GMDS: variants seen among roughly 807,000 people sequenced by gnomAD.
GMDS encodes the protein GDP-mannose 4,6-dehydratase.
Under a neutral mutation model 49.9 loss-of-function variants are expected in GMDS, and 20 were observed. The ratio of observed to expected loss-of-function variants is 0.40; its 90% CI spans 0.28 to 0.58. The LOEUF (loss-of-function observed/expected upper bound fraction) is 0.58, where lower values mean the gene tolerates loss of function less well. GMDS is among the 20% of genes least tolerant of loss of function. GMDS has a pLI of 0.42. For synonymous variants in GMDS, 177 were observed against 178.6 expected, an observed-to-expected ratio of 0.99 and a Z score of 0.07; for missense variants, 362 against 481.4, an observed-to-expected ratio of 0.75 and a Z score of 2.32.
intron 4 of GMDS, among the ~76,000 whole-genome samples, chr6:2,113,667 C>T (rs1774681723): frequency 6.6e-6 from 1 of 152,178 alleles, no homozygotes; most frequent in South Asian, 2.1e-4. Flanking sequence ...TCCATCTACC[C>T]CCAGACGGAA....
At chr6:2,177,161 G>C (rs949649692) in intron 1 of GMDS, among the ~76,000 whole-genome samples, 6 of 152,118 alleles carry the variant, frequency 3.9e-5, no homozygotes, top group Non-Finnish European at 4.4e-5. Flanking sequence ...AAACCACAGA[G>C]AGATTATGAA....
At chr6:2,023,130 T>A (rs992170413) in intron 4 of GMDS, among the ~76,000 whole-genome samples, 2 of 152,222 alleles carry the variant, frequency 1.3e-5, no homozygotes, top group African/African-American at 4.8e-5. Flanking sequence ...ATAGCTGGCT[T>A]GAATTTCATT....
At chr6:2,231,130 A>C (rs1222771138) in intron 1 of GMDS, among the ~76,000 whole-genome samples, 1 of 152,068 alleles carries the variant, frequency 6.6e-6, no homozygotes, top group Non-Finnish European at 1.5e-5. Flanking sequence ...TAAACCTGAA[A>C]CAACACAATG....
chr6:2,210,729 G>C (rs538490785), intron 1 of GMDS, among the ~76,000 whole-genome samples: 2 of 151,950 alleles, frequency 1.3e-5, no homozygotes, highest in Admixed American at 6.5e-5. Flanking sequence ...GGCACCTGGA[G>C]GGTCTACACC....
intron 1 of GMDS, among the ~76,000 whole-genome samples, chr6:2,148,712 G>A (rs11965306): frequency 0.18 from 26,647 of 152,192 alleles, 2,759 homozygotes; most frequent in Middle Eastern, 0.22. Flanking sequence ...GAACCACCAC[G>A]TCCGGCCTGA....
At chr6:2,151,099 C>A (rs1394377258) in intron 1 of GMDS, among the ~76,000 whole-genome samples, 2 of 151,912 alleles carry the variant, frequency 1.3e-5, no homozygotes, top group South Asian at 2.1e-4. Context: ...AGAATAAGAC[C>A]TAGTATTTGC....
chr6:1,907,778 A>G (rs909804719), intron 7 of GMDS, among the ~76,000 whole-genome samples: 1 of 152,204 alleles, frequency 6.6e-6, no homozygotes, highest in Non-Finnish European at 1.5e-5. Flanking sequence ...GGTTATAAAC[A>G]TAAGTTGCAT....
intron 9 of GMDS, among the ~76,000 whole-genome samples, chr6:1,722,207 C>G (rs1161171397): frequency 6.8e-6 from 1 of 147,264 alleles, no homozygotes; most frequent in Non-Finnish European, 1.5e-5. Context: ...GCTGTGACTA[C>G]AGGTGCCCGC....
At chr6:1,967,578 G>A (rs894394412) in intron 4 of GMDS, among the ~76,000 whole-genome samples, 4 of 152,124 alleles carry the variant, frequency 2.6e-5, no homozygotes, top group African/African-American at 9.7e-5. Context: ...TCACAGTTAC[G>A]CTATATAAAG....
intron 7 of GMDS, among the ~76,000 whole-genome samples, chr6:1,830,063 T>C (rs1751386955): frequency 6.6e-6 from 1 of 152,238 alleles, no homozygotes; most frequent in African/African-American, 2.4e-5. Flanking sequence ...TAGACACTAG[T>C]GGCTTTTTTA....
chr6:1,797,476 T>A (rs1368881452), intron 7 of GMDS, among the ~76,000 whole-genome samples: 1 of 152,196 alleles, frequency 6.6e-6, no homozygotes, highest in African/African-American at 2.4e-5. Flanking sequence ...CAAGTAAGTG[T>A]TTTGTGATGT....
chr6:1,682,948 T>C (rs1581452773), intron 9 of GMDS, among the ~76,000 whole-genome samples: 1 of 152,342 alleles, frequency 6.6e-6, no homozygotes, highest in African/African-American at 2.4e-5. Context: ...AGCACTTCTA[T>C]TGGCCTAGTT....
chr6:1,898,238 G>C (rs1258783572), intron 7 of GMDS, among the ~76,000 whole-genome samples: 1 of 152,220 alleles, frequency 6.6e-6, no homozygotes, highest in African/African-American at 2.4e-5. Context: ...AGACCCTGGA[G>C]GCCTTTCCCC....
intron 4 of GMDS, among the ~76,000 whole-genome samples, chr6:2,035,297 T>G (rs1293606186): frequency 1.3e-5 from 2 of 152,196 alleles, no homozygotes; most frequent in Non-Finnish European, 2.9e-5. Flanking sequence ...CTCGGTATGT[T>G]GAATGCTGTG....
chr6:1,631,386 A>G (rs1373842018), intron 9 of GMDS, among the ~76,000 whole-genome samples: 2 of 152,196 alleles, frequency 1.3e-5, no homozygotes, highest in Non-Finnish European at 2.9e-5. Flanking sequence ...TCATCTAGGA[A>G]TGCCTACCTA....
At chr6:1,755,065 T>C (rs1004610971) in intron 7 of GMDS, among the ~76,000 whole-genome samples, 9 of 152,194 alleles carry the variant, frequency 5.9e-5, no homozygotes, top group African/African-American at 1.9e-4. Context: ...ATCAAGAGTA[T>C]TCAAACAGGA....
intron 7 of GMDS, among the ~76,000 whole-genome samples, chr6:1,829,739 G>T (rs1771274528): frequency 6.6e-6 from 1 of 152,204 alleles, no homozygotes; most frequent in African/African-American, 2.4e-5. Context: ...ACATCTGGCT[G>T]CTTACACCTA....
chr6:2,071,149 G>A (rs1472776908), intron 4 of GMDS, among the ~76,000 whole-genome samples: 1 of 152,106 alleles, frequency 6.6e-6, no homozygotes, highest in Admixed American at 6.5e-5. Flanking sequence ...ATTCCCTACT[G>A]AACCCACATC....
At chr6:2,094,848 T>C (rs1008988757) in intron 4 of GMDS, among the ~76,000 whole-genome samples, 20 of 152,198 alleles carry the variant, frequency 1.3e-4, no homozygotes, top group Non-Finnish European at 7.4e-5. Context: ...CCCTGCACTA[T>C]ATAAAAGATA....
Sources: allele counts gnomAD v4.1 joint callset (sites outside exome capture counted in the v4.1 genomes callset), GRCh38; gene constraint gnomAD v4.1.1; transcripts MANE v1.5; gene names NCBI Gene and HGNC (gene_info 2026-07-23, HGNC 2026-07-21).